The following KIAA1328 variants were observed in gnomAD, a reference collection of about 807,000 sequenced individuals.
KIAA1328 encodes KIAA1328, also known as protein hinderin.
In KIAA1328, 52 loss-of-function variants were observed where a neutral mutation model predicts 68.1. The observed-to-expected ratio is 0.76, with a 90% CI of 0.61 to 0.96. KIAA1328 has a LOEUF of 0.96. Among genes scored for constraint, KIAA1328 ranks in the 40% least tolerant of loss-of-function variants. KIAA1328 has a pLI of 0.00. For synonymous variants in KIAA1328, 232 were observed against 239.4 expected, an observed-to-expected ratio of 0.97 and a Z score of 0.28; for missense variants, 641 against 677.6, an observed-to-expected ratio of 0.95 and a Z score of 0.60.
chr18:37,084,771 T>A (rs1170520714), intron 7 of KIAA1328, among the ~76,000 whole-genome samples: 1 of 152,228 alleles, frequency 6.6e-6, no homozygotes, highest in Non-Finnish European at 1.5e-5. Flanking sequence ...TGTTACAGAT[T>A]CCTGTAAGTG....
chr18:37,124,327 C>A (rs1038885341), intron 7 of KIAA1328, among the ~76,000 whole-genome samples: 20 of 151,996 alleles, frequency 1.3e-4, no homozygotes, highest in African/African-American at 3.6e-4. Flanking sequence ...TCCCTCCTTC[C>A]CTCACCTCTT....
intron 5 of KIAA1328, among the ~76,000 whole-genome samples, chr18:36,911,250 C>T (rs1168451550): frequency 6.6e-6 from 1 of 152,106 alleles, no homozygotes; most frequent in Admixed American, 6.6e-5. Context: ...TTACTAGAAT[C>T]ACCTTACAGT....
At chr18:36,901,216 T>C (rs1408824806) in intron 5 of KIAA1328, among the ~76,000 whole-genome samples, 1 of 152,042 alleles carries the variant, frequency 6.6e-6, no homozygotes, top group East Asian at 1.9e-4. Context: ...TAACCCTGAT[T>C]GTAATACCTT....
chr18:37,215,696 T>C (rs1258913633), intron 9 of KIAA1328, among the ~76,000 whole-genome samples: 1 of 152,216 alleles, frequency 6.6e-6, no homozygotes, highest in Non-Finnish European at 1.5e-5. Context: ...TCTTTTTCTA[T>C]TGATTGGAAT....
At chr18:36,855,540 G>T (rs1273020682) in intron 4 of KIAA1328, among the ~76,000 whole-genome samples, 1 of 149,790 alleles carries the variant, frequency 6.7e-6, no homozygotes, top group Non-Finnish European at 1.5e-5. Context: ...TATATGTTTG[G>T]TTACTAGACT....
chr18:36,993,642 G>T (rs1032208025), intron 6 of KIAA1328, among the ~76,000 whole-genome samples: 1 of 152,090 alleles, frequency 6.6e-6, no homozygotes. Flanking sequence ...AGATATAAAA[G>T]ACATATAAAG....
chr18:36,906,564 A>C (rs191803916), intron 5 of KIAA1328, among the ~76,000 whole-genome samples: 6 of 152,114 alleles, frequency 3.9e-5, no homozygotes, highest in African/African-American at 1.4e-4. Flanking sequence ...CATTATATGG[A>C]TATACCATAG....
Position 36,942,621 on chromosome 18 carries a change from CTG to C in KIAA1328, c.449-16686_449-16685del, listed in dbSNP as rs200346778. Among the ~76,000 whole-genome samples the C allele has an allele frequency of 8.3e-3, 1,257 of 152,228 alleles. 11 individuals carry two copies. Among genetic ancestry groups the C allele is most frequent in the African/African-American group, 0.028 (1,146 of 41,526 alleles). ...GTTGCTTTTGTTTTCATTTTATAAT[CTG>C]AATGTATTTTTTAATGAGAAAACAA... On this transcript the variant is annotated intron_variant, in intron 5 of 9. Transcript: ENST00000280020.
chr18:36,834,817 C>T (rs1313852999), intron 2 of KIAA1328, among the ~76,000 whole-genome samples: 1 of 152,120 alleles, frequency 6.6e-6, no homozygotes, highest in Non-Finnish European at 1.5e-5. Flanking sequence ...ATATATTTGG[C>T]ATATCGTAAT....
At chr18:37,094,628 G>A (rs184721992) in intron 7 of KIAA1328, among the ~76,000 whole-genome samples, 23 of 152,134 alleles carry the variant, frequency 1.5e-4, no homozygotes, top group Admixed American at 9.2e-4. Flanking sequence ...ATAAAAAAAG[G>A]CACCAAGTTG....
At chr18:37,086,224 G>A (rs531235931) in intron 7 of KIAA1328, among the ~76,000 whole-genome samples, 2 of 152,294 alleles carry the variant, frequency 1.3e-5, no homozygotes, top group African/African-American at 4.8e-5. Context: ...GAGGGTAGAT[G>A]CTAAGTGTTC....
At chr18:37,000,759 C>T (rs995995472) in intron 6 of KIAA1328, among the ~76,000 whole-genome samples, 44 of 151,814 alleles carry the variant, frequency 2.9e-4, no homozygotes, top group Admixed American at 9.9e-4. Context: ...TATACAAATA[C>T]GTGGAAATTA....
At chr18:36,934,880 A>C (rs2050445227) in intron 5 of KIAA1328, among the ~76,000 whole-genome samples, 1 of 152,196 alleles carries the variant, frequency 6.6e-6, no homozygotes. Flanking sequence ...TGGCAGTATA[A>C]GATTTATAAG....
chr18:37,091,156 C>T (rs1444607837), intron 7 of KIAA1328, among the ~76,000 whole-genome samples: 3 of 152,020 alleles, frequency 2.0e-5, no homozygotes, highest in African/African-American at 4.8e-5. Flanking sequence ...AAATGAATAC[C>T]TAGAGTCACC....
intron 6 of KIAA1328, among the ~76,000 whole-genome samples, chr18:36,966,666 A>T (rs1424341406): frequency 2.6e-5 from 4 of 152,250 alleles, no homozygotes; most frequent in African/African-American, 9.6e-5. Context: ...TATGTAAAAA[A>T]TCAATTTTAT....
chr18:37,084,779 GT>G (rs1322602886), intron 7 of KIAA1328, among the ~76,000 whole-genome samples: 1 of 152,154 alleles, frequency 6.6e-6, no homozygotes, highest in Non-Finnish European at 1.5e-5. Context: ...ATTCCTGTAA[GT>G]GGAATTACTA....
At chr18:37,098,395 G>C (rs917755990) in intron 7 of KIAA1328, among the ~76,000 whole-genome samples, 3 of 152,148 alleles carry the variant, frequency 2.0e-5, no homozygotes, top group Admixed American at 6.5e-5. Context: ...TGTGTATGTT[G>C]AACCAGCCTT....
At chr18:36,989,041 T>C (rs909528217) in intron 6 of KIAA1328, among the ~76,000 whole-genome samples, 4 of 152,216 alleles carry the variant, frequency 2.6e-5, no homozygotes, top group African/African-American at 9.6e-5. Flanking sequence ...TGATTTTACC[T>C]AGATTGTGAA....
intron 4 of KIAA1328, among the ~76,000 whole-genome samples, chr18:36,848,253 G>A (rs2047092565): frequency 1.3e-5 from 2 of 151,432 alleles, no homozygotes; most frequent in African/African-American, 4.8e-5. Flanking sequence ...GCAGTGATAT[G>A]TCATTTTCAG....
Sources: allele counts gnomAD v4.1 joint callset (sites outside exome capture counted in the v4.1 genomes callset), GRCh38; gene constraint gnomAD v4.1.1; transcripts MANE v1.5; gene names NCBI Gene and HGNC (gene_info 2026-07-23, HGNC 2026-07-21).